Variants in PLD5 observed in about 807,000 individuals in gnomAD.
The protein encoded by PLD5 is phospholipase D family member 5.
Under a neutral mutation model 61.1 loss-of-function variants are expected in PLD5, and 36 were observed. The observed-to-expected ratio is 0.59, with a 90% CI of 0.45 to 0.78. The LOEUF (loss-of-function observed/expected upper bound fraction) is 0.78. Among genes scored for constraint, PLD5 ranks in the 30% least tolerant of loss-of-function variants. The pLI is 0.00. For synonymous variants in PLD5, 243 were observed against 242.8 expected (o/e 1.00, Z -0.01); for missense variants, 515 against 644.4 (o/e 0.80, Z 2.17).
chr1:242,281,182 C>T lies in PLD5; in HGVS notation c.495+7180G>A, dbSNP rs182033365. Among the ~76,000 whole-genome samples the T allele has an allele frequency of 3.4e-3, 511 of 152,238 alleles. 6 individuals carry two copies. The highest frequency in any genetic ancestry group is 1.2e-3 in the Non-Finnish European group (80 of 68,028). On this transcript the variant is annotated intron_variant, in intron 3 of 9. Transcript: ENST00000536534. Reference sequence around the variant, plus strand: ...TTAATAATATCATTTACAAATGAATCGTAAGGATGGCTATGAAACAAACAT... The same window carrying T: ...TTAATAATATCATTTACAAATGAATTGTAAGGATGGCTATGAAACAAACAT...
intron 5 of PLD5, among the ~76,000 whole-genome samples, chr1:242,167,640 T>C (rs1292257654): frequency 1.3e-5 from 2 of 152,210 alleles, no homozygotes; most frequent in Non-Finnish European, 2.9e-5. Context: ...ACATACATGA[T>C]ATTGTTAAGT....
chr1:242,164,321 G>A (rs1270949742), intron 5 of PLD5, among the ~76,000 whole-genome samples: 3 of 151,892 alleles, frequency 2.0e-5, no homozygotes, highest in Non-Finnish European at 4.4e-5. Flanking sequence ...TTTTGTATGT[G>A]AAAAGTATCT....
chr1:242,415,100 A>T (rs1420340249), intron 1 of PLD5, among the ~76,000 whole-genome samples: 1 of 152,228 alleles, frequency 6.6e-6, no homozygotes, highest in Non-Finnish European at 1.5e-5. Flanking sequence ...GTTTAGCGAC[A>T]CACTGTTGTT....
intron 4 of PLD5, among the ~76,000 whole-genome samples, chr1:242,243,191 G>A (rs945294493): frequency 3.3e-5 from 5 of 152,230 alleles, no homozygotes; most frequent in African/African-American, 7.2e-5. Flanking sequence ...TGTCTTACGC[G>A]AGCGTAAAGG....
intron 3 of PLD5, among the ~76,000 whole-genome samples, chr1:242,277,504 C>T (rs1674478077): frequency 7.6e-6 from 1 of 130,828 alleles, no homozygotes; most frequent in Admixed American, 8.3e-5. Context: ...TTTACTGCAG[C>T]AGCTCATTCA....
chr1:242,183,849 C>G lies in PLD5; in HGVS notation c.735+36139G>C, dbSNP rs370827496. ...GGCGGAGCTCGCAGTGAGCAGAGAT[C>G]GCGCCACTGCACTCCAGCCTGGGCG... On this transcript the variant is annotated intron_variant, in intron 5 of 9. Coordinates refer to ENST00000536534, the MANE Select transcript of PLD5 (RefSeq NM_001372062.1). Among the ~76,000 whole-genome samples, 80 of 152,158 alleles carry G rather than the reference C, an allele frequency of 5.3e-4. 2 individuals are homozygous for G. The South Asian group carries it at 0.016, about 30-fold the overall frequency.
At position 242,411,380 on chromosome 1, in the gene PLD5, C is replaced by T. The variant is rs540582717; in HGVS notation, c.190-63138G>A. 8.0e-3 allele frequency among the ~76,000 whole-genome samples: 1,212 copies of T among 152,248 alleles called. 7 individuals carry two copies. The highest frequency in any genetic ancestry group is 0.014 in the Middle Eastern group (4 of 294). On this transcript the variant is annotated intron_variant, in intron 1 of 9. Coordinates refer to ENST00000536534, the MANE Select transcript of PLD5 (RefSeq NM_001372062.1). ...CCTCCCGAGTAGCTGGGACTACAGG[C>T]GCCCGCCACCACGCCCGGCTAATTT...
At chr1:242,386,695 T>C (rs1319645706) in intron 1 of PLD5, among the ~76,000 whole-genome samples, 1 of 152,102 alleles carries the variant, frequency 6.6e-6, no homozygotes, top group Non-Finnish European at 1.5e-5. Context: ...GATCAATAAG[T>C]AACAATACAT....
intron 1 of PLD5, among the ~76,000 whole-genome samples, chr1:242,457,550 C>T (rs983801435): frequency 3.3e-5 from 5 of 152,280 alleles, no homozygotes; most frequent in Middle Eastern, 3.4e-3. Context: ...CGTCAATCTC[C>T]TGTTTGGATT....
intron 1 of PLD5, among the ~76,000 whole-genome samples, chr1:242,366,317 G>A (rs1661337417): frequency 2.0e-5 from 3 of 152,106 alleles, no homozygotes; most frequent in Admixed American, 6.5e-5. Flanking sequence ...CATAAAAATT[G>A]CAAAAGGTCT....
chr1:242,312,941 T>C lies in PLD5; in HGVS notation c.327-24411A>G, dbSNP rs76009633. 6.1e-3 allele frequency among the ~76,000 whole-genome samples: 934 copies of C among 152,372 alleles called. 14 individuals carry two copies. The highest frequency in any genetic ancestry group is 0.022 in the African/African-American group (897 of 41,590). ...TGTTTAATCAGTCTCTTATTTAACA[T>C]TTCCTTGGGAAAACAAGGACCTAAA... On this transcript the variant is annotated intron_variant, in intron 2 of 9. Coordinates refer to ENST00000536534, the MANE Select transcript of PLD5 (RefSeq NM_001372062.1).
intron 2 of PLD5, among the ~76,000 whole-genome samples, chr1:242,297,394 C>T (rs1183135082): frequency 1.7e-5 from 2 of 115,596 alleles, no homozygotes; most frequent in Admixed American, 1.2e-4. Context: ...TTCCTATCAC[C>T]CTTCAAGACT....
At chr1:242,299,021 A>G (rs573782457) in intron 2 of PLD5, among the ~76,000 whole-genome samples, 19 of 150,968 alleles carry the variant, frequency 1.3e-4, no homozygotes, top group African/African-American at 4.4e-4. Flanking sequence ...AAGACAGGTG[A>G]TTGGAAAAAA....
At chr1:242,275,339 C>T (rs1248958417) in intron 3 of PLD5, among the ~76,000 whole-genome samples, 1 of 151,354 alleles carries the variant, frequency 6.6e-6, no homozygotes, top group Non-Finnish European at 1.5e-5. Context: ...GTTAAATTTG[C>T]TATAAGATTG....
At chr1:242,139,669 C>T (rs190790625) in intron 5 of PLD5, among the ~76,000 whole-genome samples, 4 of 152,146 alleles carry the variant, frequency 2.6e-5, no homozygotes, top group Non-Finnish European at 5.9e-5. Context: ...TTAGCAATAT[C>T]GGTCATGTGG....
At chr1:242,253,417 C>T (rs1672830592) in intron 4 of PLD5, among the ~76,000 whole-genome samples, 1 of 149,518 alleles carries the variant, frequency 6.7e-6, no homozygotes, top group Non-Finnish European at 1.5e-5. Flanking sequence ...GGGTTCACGC[C>T]ATTCTCCTGC....
intron 1 of PLD5, among the ~76,000 whole-genome samples, chr1:242,466,302 CAGTAATATT>C: frequency 6.6e-6 from 1 of 152,016 alleles, no homozygotes; most frequent in South Asian, 2.1e-4. Context: ...AGGAGATATT[CAGTAATATT>C]TACTGAATAG....
chr1:242,282,890 T>C (rs888416996), intron 3 of PLD5, among the ~76,000 whole-genome samples: 7 of 152,204 alleles, frequency 4.6e-5, no homozygotes, highest in Non-Finnish European at 8.8e-5. Context: ...TTTCATAAAA[T>C]TCTAACATAC....
intron 1 of PLD5, among the ~76,000 whole-genome samples, chr1:242,465,510 G>T (rs1279689075): frequency 6.6e-6 from 1 of 152,216 alleles, no homozygotes; most frequent in Non-Finnish European, 1.5e-5. Context: ...TGGCCCAGGA[G>T]GCTCTGCATG....
Sources: allele counts gnomAD v4.1 joint callset (sites outside exome capture counted in the v4.1 genomes callset), GRCh38; gene constraint gnomAD v4.1.1; transcripts MANE v1.5; gene names NCBI Gene and HGNC (gene_info 2026-07-23, HGNC 2026-07-21).